CYLC2: variants seen among roughly 807,000 people sequenced by gnomAD.
CYLC2 encodes the protein cylicin 2.
In CYLC2, 30 loss-of-function variants were observed where a neutral mutation model predicts 26.1. The observed-to-expected ratio is 1.15, with a 90% CI of 0.86 to 1.56. The LOEUF (loss-of-function observed/expected upper bound fraction) is 1.56. Ranked by LOEUF, CYLC2 falls within the 40% of genes most tolerant of loss-of-function variation. CYLC2 has a pLI of 0.00. For missense variants in CYLC2, 498 were observed against 394.4 expected (o/e 1.26, Z -2.23); for synonymous variants, 158 against 132.8 (o/e 1.19, Z -1.31).
At chr9:103,014,243 A>C (rs1240371661) in intron 6 of CYLC2, among the ~76,000 whole-genome samples, 1 of 125,580 alleles carries the variant, frequency 8.0e-6, no homozygotes, top group African/African-American at 3.1e-5. Flanking sequence ...ATATGTATGT[A>C]ATATATATCA....
chr9:103,013,233 A>C (rs1310822101), intron 6 of CYLC2, among the ~76,000 whole-genome samples: 1 of 91,614 alleles, frequency 1.1e-5, no homozygotes, highest in African/African-American at 4.1e-5. Context: ...TATTATAAAC[A>C]TATAACATGT....
intron 6 of CYLC2, among the ~76,000 whole-genome samples, chr9:103,014,162 T>C (rs1829458413): frequency 8.3e-6 from 1 of 121,142 alleles, no homozygotes; most frequent in Non-Finnish European, 1.6e-5. Context: ...TAATATATAA[T>C]ATGAATATTA....
chr9:103,014,612 A>G (rs1829471432), intron 6 of CYLC2, among the ~76,000 whole-genome samples: 1 of 142,886 alleles, frequency 7.0e-6, no homozygotes, highest in Non-Finnish European at 1.5e-5. Flanking sequence ...AGTATACATC[A>G]TATGTATATT....
chr9:103,007,059 T>G (rs1289146277), intron 5 of CYLC2, among the ~76,000 whole-genome samples: 5 of 152,116 alleles, frequency 3.3e-5, no homozygotes, highest in African/African-American at 1.2e-4. Flanking sequence ...TAAATAAATT[T>G]AAAATAATAA....
chr9:103,013,602 TA>T (rs1564100648), intron 6 of CYLC2, among the ~76,000 whole-genome samples: 1 of 112,260 alleles, frequency 8.9e-6, no homozygotes, highest in African/African-American at 3.7e-5. Context: ...AATATATTTA[TA>T]AATATTTTAT....
At chr9:103,009,052 T>A (rs1214537619) in intron 5 of CYLC2, among the ~76,000 whole-genome samples, 1 of 152,180 alleles carries the variant, frequency 6.6e-6, no homozygotes, top group African/African-American at 2.4e-5. Context: ...TGCATTGGAT[T>A]TTTAAAAATA....
chr9:103,001,555 A>G, intron 1 of CYLC2, 23 bp from the exon 2 acceptor site: 1 of 1,458,746 alleles, frequency 6.9e-7, no homozygotes, highest in East Asian at 2.3e-5. Flanking sequence ...ATTAACTAAA[A>G]CCTTTCTTTT....
rs1471690201 is a variant in CYLC2, at chr9:103,005,297, GGATT to G, written c.667_670del (p.Asp223GlnfsTer9). 1.2e-6 allele frequency: 2 copies of G among 1,613,604 alleles called. No individual in the cohort carries two copies. Among genetic ancestry groups the G allele is most frequent in the Non-Finnish European group, 1.7e-6 (2 of 1,179,886 alleles). On this transcript the variant is annotated frameshift_variant, in exon 5 of 8. Transcript: ENST00000374798. LOFTEE classifies it low-confidence loss of function (END_TRUNC). ...AGAAAGATAGCAAAAAAGGTAAAAA[GGATT>G]CAAAGAAGGGCAAGGATTCAGCCAT... is the stretch of plus-strand genomic sequence containing the variant.
chr9:103,005,498 G>T lies in CYLC2; in HGVS notation c.867G>T (p.Lys289Asn). ...STDSDSKDDV[K>N]KESKKDATKD... ...ACAGTGACTCAAAGGATGATGTCAA[G>T]AAAGAGTCTAAGAAGGACGCCACGA... Residue 289 changes from lysine to asparagine, a missense_variant, in exon 5 of 8, where the codon AAG (lysine) becomes AAT (asparagine). By Grantham distance (94) the Lys-to-Asn change is moderately conservative (BLOSUM62 0). Coordinates refer to ENST00000374798, the MANE Select transcript of CYLC2 (RefSeq NM_001340.5). 1 of 1,613,608 alleles carries T rather than the reference G, an allele frequency of 6.2e-7. No homozygotes were observed. Among genetic ancestry groups the T allele is most frequent in the Non-Finnish European group, 8.5e-7 (1 of 1,179,786 alleles).
At chr9:102,999,789 C>A (rs1047618690) in intron 1 of CYLC2, among the ~76,000 whole-genome samples, 1 of 151,710 alleles carries the variant, frequency 6.6e-6, no homozygotes, top group Non-Finnish European at 1.5e-5. Flanking sequence ...TAGGTCAAAC[C>A]AACCTCATAT....
chr9:102,997,365 C>G (rs1225316009), intron 1 of CYLC2, among the ~76,000 whole-genome samples: 1 of 151,834 alleles, frequency 6.6e-6, no homozygotes, highest in African/African-American at 2.4e-5. Context: ...GCAAAATATT[C>G]TCTGGGTGAG....
chr9:103,017,750 A>G (rs898878936), intron 7 of CYLC2, among the ~76,000 whole-genome samples: 1 of 151,992 alleles, frequency 6.6e-6, no homozygotes, highest in Non-Finnish European at 1.5e-5. Flanking sequence ...GGTAGCTTAA[A>G]TAATAAGCTG....
intron 6 of CYLC2, among the ~76,000 whole-genome samples, chr9:103,012,497 T>C (rs983106158): frequency 6.6e-6 from 1 of 152,050 alleles, no homozygotes; most frequent in African/African-American, 2.4e-5. Flanking sequence ...GTATATAGTT[T>C]ATGACAGTTT....
intron 7 of CYLC2, among the ~76,000 whole-genome samples, chr9:103,018,059 A>G (rs550909267): frequency 3.3e-5 from 5 of 152,138 alleles, no homozygotes; most frequent in Non-Finnish European, 7.4e-5. Flanking sequence ...TAGACAATTT[A>G]TCCCACAACG....
At chr9:103,014,528 A>G (rs1306391141) in intron 6 of CYLC2, among the ~76,000 whole-genome samples, 8 of 136,406 alleles carry the variant, frequency 5.9e-5, no homozygotes, top group Admixed American at 1.5e-4. Context: ...AATATATGCA[A>G]TATACATCAT....
In CYLC2 at chr9:103,010,307, G is replaced by A. The variant is rs147457568; in HGVS notation, c.*701-1675G>A. 5.9e-5 allele frequency among the ~76,000 whole-genome samples: 9 copies of A among 152,130 alleles called. No homozygotes were observed. The East Asian group carries it at 1.4e-3, about 23-fold the overall frequency. On this transcript the variant is annotated intron_variant, in intron 5 of 7. Coordinates refer to ENST00000374798, the MANE Select transcript of CYLC2 (RefSeq NM_001340.5). ...ATTGCATAATTATAATCATATTCAA[G>A]TTATCTCACAAATGCTTAATCCACA...
Position 103,005,712 on chromosome 9 carries a change from T to G in CYLC2, c.*34T>G. 6.4e-7 allele frequency: 1 copy of G among 1,568,824 alleles called. No individual in the cohort carries two copies. The highest frequency in any genetic ancestry group is 8.6e-7 in the Non-Finnish European group (1 of 1,160,482). On this transcript the variant is annotated 3_prime_UTR_variant, in exon 5 of 8. Coordinates refer to ENST00000374798, the MANE Select transcript of CYLC2 (RefSeq NM_001340.5). ...TAAGAATTTGAACCGAAAGAATAAT[T>G]CAAAAGCATATTTGATGAAACAATA...
intron 5 of CYLC2, among the ~76,000 whole-genome samples, chr9:103,007,602 G>GA: frequency 6.6e-6 from 1 of 152,040 alleles, no homozygotes; most frequent in East Asian, 1.9e-4. Flanking sequence ...TTGATTTGAG[G>GA]AAAAAATAAA....
chr9:103,006,546 T>TG (rs199606079), intron 5 of CYLC2, among the ~76,000 whole-genome samples, 168 bp downstream of exon 5: 14,787 of 151,968 alleles, frequency 0.097, 870 homozygotes, highest in African/African-American at 0.16. Context: ...CCCAAGTAGC[T>TG]GGACTACAGG....
Sources: gnomAD v4.1 joint callset for allele counts (sites outside exome capture counted in the v4.1 genomes callset) on GRCh38, gnomAD v4.1.1 for gene constraint, MANE v1.5 for transcripts, NCBI Gene and HGNC (gene_info 2026-07-23, HGNC 2026-07-21) for gene names.